The following RAB36 variants were observed in gnomAD, a reference collection of about 807,000 sequenced individuals.
RAB36 encodes ras-related protein Rab-36.
RAB36 carries 33 observed loss-of-function variants against 39.3 expected under a neutral mutation model. The observed-to-expected ratio is 0.84, with a 90% CI of 0.64 to 1.12. RAB36 has a LOEUF of 1.12. Among genes scored for constraint, RAB36 ranks in the 50% most tolerant of loss-of-function variants. RAB36 has a pLI of 0.00. For missense variants in RAB36, 308 were observed against 355.3 expected (o/e 0.87, Z 1.07); for synonymous variants, 133 against 140.2 (o/e 0.95, Z 0.36).
In RAB36 at chr22:23,160,894, C is replaced by T. The variant is rs745490413; in HGVS notation, c.635C>T (p.Ala212Val). The T allele has an allele frequency of 3.1e-6, 5 of 1,613,692 alleles. No homozygotes were observed. The East Asian group carries it at 1.1e-4, about 36-fold the overall frequency. Residue 212 changes from alanine to valine, a missense_variant, in exon 10 of 11, where the codon GCA (alanine) becomes GTA (valine). Ala to Val is a moderately conservative substitution (Grantham distance 64). Transcript: ENST00000263116. ...GGGCCCACAGGCGAGAACGTGAAGG[C>T]ATTCTTCAGCCGCGTAGCCGCCCTG... is the stretch of plus-strand genomic sequence containing the variant. ...VSAKTGENVK[A>V]FFSRVAALAF...
chr22:23,152,284 C>T (rs1023217147), intron 3 of RAB36, among the ~76,000 whole-genome samples, 177 bp from the exon 4 acceptor site: 3 of 152,208 alleles, frequency 2.0e-5, no homozygotes, highest in South Asian at 2.1e-4. Context: ...CAGCCTCTCC[C>T]GTCTCCCCTC....
rs1256822046 is a variant in RAB36, at chr22:23,161,912, T to C, written c.*348T>C. On this transcript the variant is annotated 3_prime_UTR_variant, in exon 11 of 11. Coordinates refer to ENST00000263116, the MANE Select transcript of RAB36 (RefSeq NM_004914.5). ...AGAACTGCAAACTCCTGCGTCGGTC[T>C]ATACTACTCGGCCATGGCCCACATC... 4 of 279,798 alleles carry C rather than the reference T, an allele frequency of 1.4e-5. No individual in the cohort carries two copies. The East Asian group carries it at 3.9e-4, about 27-fold the overall frequency. 17.3% of individuals were successfully genotyped at this position (279,798 alleles called of 1,614,324 possible). A position where few individuals can be genotyped will look rare whatever the true frequency, so the allele number is the denominator to read the frequency against.
chr22:23,151,506 A>G (rs1187621031), intron 3 of RAB36, among the ~76,000 whole-genome samples: 1 of 152,174 alleles, frequency 6.6e-6, no homozygotes, highest in African/African-American at 2.4e-5. Flanking sequence ...AGGCAGAGGA[A>G]GTGCCTGTCA....
At chr22:23,156,118 C>A in intron 6 of RAB36, 86 bp downstream of exon 6, 1 of 990,054 alleles carries the variant, frequency 1.0e-6, no homozygotes, top group Non-Finnish European at 1.4e-6. Context: ...GAGTTCTCTG[C>A]ACAGGCACCA....
At chr22:23,152,949 C>A in intron 4 of RAB36, 84 bp from the exon 5 acceptor site, 1 of 987,778 alleles carries the variant, frequency 1.0e-6, no homozygotes, top group Non-Finnish European at 1.6e-6. Context: ...CCTTATTTGC[C>A]TAAAGACTTG....
chr22:23,166,207 G>A (rs1047943185), downstream of RAB36, among the ~76,000 whole-genome samples: 23 of 141,746 alleles, frequency 1.6e-4, no homozygotes, highest in African/African-American at 6.0e-4. Context: ...GCCCCAATGT[G>A]TAAGTGCTTA....
rs1466087627 is a variant in RAB36 at position 23,163,139 on chromosome 22, G to C, written c.*1575G>C. 1 of 176,162 alleles carries C rather than the reference G, an allele frequency of 5.7e-6. No homozygotes were observed. Among genetic ancestry groups the C allele is most frequent in the African/African-American group, 2.4e-5 (1 of 41,666 alleles). The allele number at this position is 176,162 out of a possible 1,614,324, so 10.9% of individuals were successfully genotyped here. On this transcript the variant is annotated 3_prime_UTR_variant, in exon 11 of 11. Transcript: ENST00000263116. Reference sequence around the variant, plus strand: ...TTGGTCAGGCTGCTCTCGGACTCCTGATCTCAGGTGACCTGCCCACCTCGG... The same window carrying C: ...TTGGTCAGGCTGCTCTCGGACTCCTCATCTCAGGTGACCTGCCCACCTCGG...
chr22:23,151,887 C>T (rs1410605105), intron 3 of RAB36, among the ~76,000 whole-genome samples: 4 of 152,154 alleles, frequency 2.6e-5, no homozygotes, highest in Non-Finnish European at 5.9e-5. Context: ...CAGCCCTGTT[C>T]GGGGTGTGCC....
downstream of RAB36, among the ~76,000 whole-genome samples, chr22:23,167,124 A>G (rs917643232): frequency 8.6e-5 from 13 of 151,782 alleles, no homozygotes; most frequent in African/African-American, 3.1e-4. Context: ...TCTGCTGCCA[A>G]CCCCACTTGG....
chr22:23,148,803 A>G (rs2267006), intron 2 of RAB36, among the ~76,000 whole-genome samples: 59,849 of 152,140 alleles, frequency 0.39, 12,408 homozygotes, highest in East Asian at 0.61. Context: ...ATTGTGTCTG[A>G]GCCAGTCCCT....
chr22:23,149,551 G>A (rs546009027), intron 2 of RAB36, among the ~76,000 whole-genome samples: 10 of 152,304 alleles, frequency 6.6e-5, no homozygotes, highest in Non-Finnish European at 1.3e-4. Context: ...AGAAGGTATG[G>A]ATTAGAGACA....
At chr22:23,145,763 C>A (rs1601878137) in intron 1 of RAB36, among the ~76,000 whole-genome samples, 1 of 152,350 alleles carries the variant, frequency 6.6e-6, no homozygotes, top group African/African-American at 2.4e-5. Context: ...AGGTCAGATG[C>A]GGGAAGACAA....
At chr22:23,154,536 C>T (rs982240135) in intron 5 of RAB36, among the ~76,000 whole-genome samples, 1 of 152,176 alleles carries the variant, frequency 6.6e-6, no homozygotes, top group African/African-American at 2.4e-5. Flanking sequence ...CTGAGAAGAG[C>T]AAAGGGCCAG....
intron 4 of RAB36, 67 bp downstream of exon 4, chr22:23,152,593 T>C: frequency 1.4e-6 from 2 of 1,472,980 alleles, no homozygotes; most frequent in East Asian, 4.5e-5. Context: ...TTTGCCTGGG[T>C]GGCCCAGATA....
At chr22:23,149,834 C>T (rs2070999915) in intron 2 of RAB36, among the ~76,000 whole-genome samples, 1 of 152,232 alleles carries the variant, frequency 6.6e-6, no homozygotes, top group Non-Finnish European at 1.5e-5. Flanking sequence ...AGACACAGAT[C>T]TCCAAGTCCC....
rs2072009494 is a variant in RAB36 at position 23,165,025 on chromosome 22, C to T, written c.*3461C>T. 6.6e-6 allele frequency among the ~76,000 whole-genome samples: 1 copy of T among 152,040 alleles called. No homozygotes were observed. Among genetic ancestry groups the T allele is most frequent in the Non-Finnish European group, 1.5e-5 (1 of 67,998 alleles). ...CTACTCCCAGAGAGGCCTCTGTGGA[C>T]ACCCCCACAGCTCTCGCAGCACTTG... On this transcript the variant is annotated 3_prime_UTR_variant, in exon 11 of 11. Coordinates refer to ENST00000263116, the MANE Select transcript of RAB36 (RefSeq NM_004914.5).
rs150021918 is a variant in RAB36 at position 23,165,613 on chromosome 22, C to G, written c.*4049C>G. ...TGCTATTTAGTACTATGTAACAAAT[C>G]ACTCCAAAACTTCATTGCTTAAAGC... is the stretch of plus-strand genomic sequence containing the variant. On this transcript the variant is annotated 3_prime_UTR_variant, in exon 11 of 11. Coordinates refer to ENST00000263116, the MANE Select transcript of RAB36 (RefSeq NM_004914.5). 8.9e-4 allele frequency among the ~76,000 whole-genome samples: 136 copies of G among 152,358 alleles called. No homozygotes were observed. Among genetic ancestry groups the G allele is most frequent in the African/African-American group, 3.2e-3 (132 of 41,582 alleles).
Position 23,163,773 on chromosome 22 carries a change from A to G in RAB36, c.*2209A>G, listed in dbSNP as rs2071951464. On this transcript the variant is annotated 3_prime_UTR_variant, in exon 11 of 11. Transcript: ENST00000263116. ...GCCTTTGCCTGCACAGCTAGTGTTG[A>G]TGGCTTGTTTGTTGTTTTCACCAGA... 6.6e-6 allele frequency: 1 copy of G among 152,116 alleles called. No individual in the cohort carries two copies. Among genetic ancestry groups the G allele is most frequent in the Non-Finnish European group, 1.5e-5 (1 of 68,028 alleles). The allele number at this position is 152,116 out of a possible 1,614,324, so 9.4% of individuals were successfully genotyped here.
intron 6 of RAB36, among the ~76,000 whole-genome samples, chr22:23,157,060 A>G (rs749725552): frequency 6.6e-6 from 1 of 152,174 alleles, no homozygotes; most frequent in Admixed American, 6.5e-5. Context: ...AATGTTCTCC[A>G]CATAGGGCTC....
Sources: gnomAD v4.1 joint callset for allele counts (sites outside exome capture counted in the v4.1 genomes callset) on GRCh38, gnomAD v4.1.1 for gene constraint, MANE v1.5 for transcripts, NCBI Gene and HGNC (gene_info 2026-07-23, HGNC 2026-07-21) for gene names.